Variants in NECTIN3 observed in about 807,000 individuals in gnomAD.
NECTIN3 encodes nectin-3.
In NECTIN3, 8 loss-of-function variants were observed where a neutral mutation model predicts 49.4. That is an observed-to-expected ratio of 0.16 (90% CI 0.10 to 0.29). The LOEUF (loss-of-function observed/expected upper bound fraction) is 0.29, where lower values mean the gene tolerates loss of function less well. Ranked by LOEUF, NECTIN3 falls within the 10% of genes least tolerant of loss-of-function variation. NECTIN3 has a pLI of 1.00. For synonymous variants in NECTIN3, 277 were observed against 241.1 expected (o/e 1.15, Z -1.38); for missense variants, 581 against 654.6 (o/e 0.89, Z 1.23).
At chr3:111,192,307 T>C, upstream of NECTIN3, 1 of 1,472,956 alleles carries the variant, frequency 6.8e-7, no homozygotes, top group Non-Finnish European at 9.2e-7. Flanking sequence ...TGATATGTTT[T>C]GCCATGTGTT....
chr3:111,104,386 C>A (rs1351219302), intron 1 of NECTIN3, among the ~76,000 whole-genome samples: 1 of 138,444 alleles, frequency 7.2e-6, no homozygotes, highest in Non-Finnish European at 1.5e-5. Flanking sequence ...AGTGGCATGA[C>A]TGGAGTTTAC....
intron 1 of NECTIN3, among the ~76,000 whole-genome samples, chr3:111,093,801 G>C (rs2032418551): frequency 6.6e-6 from 1 of 152,034 alleles, no homozygotes; most frequent in African/African-American, 2.4e-5. Context: ...AGAAACTTAA[G>C]TTTATACATA....
intron 5 of NECTIN3, among the ~76,000 whole-genome samples, chr3:111,127,304 G>A (rs746359473): frequency 6.6e-6 from 1 of 152,054 alleles, no homozygotes; most frequent in South Asian, 2.1e-4. Flanking sequence ...AAAGTACCAC[G>A]TATTATATTG....
intron 7 of NECTIN3, among the ~76,000 whole-genome samples, chr3:111,161,028 G>A (rs2035203069): frequency 1.3e-5 from 2 of 152,144 alleles, no homozygotes; most frequent in South Asian, 4.1e-4. Context: ...ATCGAGTTTA[G>A]GGAAGATAAG....
intron 1 of NECTIN3, among the ~76,000 whole-genome samples, chr3:111,102,127 CAG>C (rs2032938987): frequency 1.3e-5 from 2 of 152,072 alleles, no homozygotes; most frequent in African/African-American, 4.8e-5. Flanking sequence ...CTGCACCTAA[CAG>C]GGTGATTTTT....
At chr3:111,145,111 T>G in intron 6 of NECTIN3, 1 of 1,433,802 alleles carries the variant, frequency 7.0e-7, no homozygotes, top group African/African-American at 1.4e-5. Context: ...CCTTTACAGC[T>G]CCTCATAAAG....
chr3:111,187,043 A>G (rs1317188711), intron 7 of NECTIN3, among the ~76,000 whole-genome samples: 1 of 152,194 alleles, frequency 6.6e-6, no homozygotes, highest in Non-Finnish European at 1.5e-5. Flanking sequence ...TGTTGAGGAC[A>G]TGGAGCAGCT....
intron 1 of NECTIN3, among the ~76,000 whole-genome samples, chr3:111,106,578 T>TA (rs1240638219): frequency 6.6e-6 from 1 of 152,202 alleles, no homozygotes; most frequent in Non-Finnish European, 1.5e-5. Flanking sequence ...TGACATGACT[T>TA]ACCTATCAGT....
intron 7 of NECTIN3, among the ~76,000 whole-genome samples, chr3:111,150,041 G>A (rs2034968239): frequency 1.3e-5 from 2 of 151,952 alleles, no homozygotes; most frequent in Admixed American, 1.3e-4. Context: ...TTTGAATATA[G>A]TTGGATTTCC....
At chr3:111,161,291 C>T (rs2035207500) in intron 7 of NECTIN3, among the ~76,000 whole-genome samples, 1 of 152,166 alleles carries the variant, frequency 6.6e-6, no homozygotes, top group Non-Finnish European at 1.5e-5. Flanking sequence ...AATGCTGCCA[C>T]TTGGCCTTTG....
At chr3:111,169,692 T>C in intron 7 of NECTIN3, among the ~76,000 whole-genome samples, 1 of 152,106 alleles carries the variant, frequency 6.6e-6, no homozygotes, top group East Asian at 1.9e-4. Flanking sequence ...CCTAACTAAC[T>C]CCTGGAAAGA....
chr3:111,160,026 ATTCCTTATATAATGTAGT>A (rs2035178337), intron 7 of NECTIN3, among the ~76,000 whole-genome samples: 1 of 152,184 alleles, frequency 6.6e-6, no homozygotes, highest in South Asian at 2.1e-4. Flanking sequence ...GTTTTTAACC[ATTCCTTATATAATGTAGT>A]TTATCTCCGC....
intron 7 of NECTIN3, among the ~76,000 whole-genome samples, chr3:111,150,721 T>A (rs2034982229): frequency 6.6e-6 from 1 of 151,896 alleles, no homozygotes; most frequent in Non-Finnish European, 1.5e-5. Context: ...CTTTTTTTTT[T>A]CTTTATATAC....
At chr3:111,170,544 A>G (rs1198868518) in intron 7 of NECTIN3, among the ~76,000 whole-genome samples, 5 of 152,178 alleles carry the variant, frequency 3.3e-5, no homozygotes, top group African/African-American at 1.2e-4. Context: ...AATAGGGGAG[A>G]AAGACTGGGC....
At chr3:111,177,935 T>C (rs375528717) in intron 7 of NECTIN3, among the ~76,000 whole-genome samples, 2 of 152,244 alleles carry the variant, frequency 1.3e-5, no homozygotes, top group Non-Finnish European at 2.9e-5. Flanking sequence ...TTAGGTACTT[T>C]GCTTTGCATA....
At chr3:111,090,679 G>A (rs976643559) in intron 1 of NECTIN3, among the ~76,000 whole-genome samples, 3 of 84,364 alleles carry the variant, frequency 3.6e-5, no homozygotes, top group East Asian at 4.7e-4. Flanking sequence ...TCTGTAGTTC[G>A]TTTTTTCATG....
chr3:111,134,284 A>G lies in NECTIN3; in HGVS notation c.*69A>G. On this transcript the variant is annotated 3_prime_UTR_variant, in exon 6 of 6. Coordinates refer to ENST00000485303, the MANE Select transcript of NECTIN3 (RefSeq NM_015480.3). ...CTAGTTGATCATTTTCAGATTGTTC[A>G]TACTTTTTCTTGAGGAAGAATAAGC... 6 of 1,491,312 alleles carry G rather than the reference A, an allele frequency of 4.0e-6. No individual in the cohort carries two copies. Among genetic ancestry groups the G allele is most frequent in the Non-Finnish European group, 3.6e-6 (4 of 1,124,166 alleles). 92.4% of individuals were successfully genotyped at this position (1,491,312 alleles called of 1,614,324 possible).
rs1021568289 is a variant in NECTIN3, at chr3:111,186,304, A to G, written c.1222-6047A>G. Among the ~76,000 whole-genome samples the G allele has an allele frequency of 9.9e-5, 15 of 152,192 alleles. 1 individual carries two copies. The highest frequency in any genetic ancestry group is 9.8e-4 in the Admixed American group (15 of 15,284). On this transcript the variant is annotated intron_variant, in intron 7 of 8. Transcript: ENST00000493615. ...GAGGCATCATGTTAACCCAACTTCAAACTGTTATTACAAGGCTACAGTAAC... is the reference window on the plus strand; with the variant it reads ...GAGGCATCATGTTAACCCAACTTCAGACTGTTATTACAAGGCTACAGTAAC...
chr3:111,178,041 T>G (rs1441296512), intron 7 of NECTIN3, among the ~76,000 whole-genome samples: 2 of 152,186 alleles, frequency 1.3e-5, no homozygotes, highest in Non-Finnish European at 2.9e-5. Context: ...CATTAAAATG[T>G]GTCGTATCAC....
Sources: allele counts gnomAD v4.1 joint callset (sites outside exome capture counted in the v4.1 genomes callset), GRCh38; gene constraint gnomAD v4.1.1; transcripts MANE v1.5; gene names NCBI Gene and HGNC (gene_info 2026-07-23, HGNC 2026-07-21).